RNF149: variants seen among roughly 807,000 people sequenced by gnomAD.
The protein encoded by RNF149 is ring finger protein 149, also known as E3 ubiquitin-protein ligase RNF149.
A neutral mutation model predicts 39.0 loss-of-function variants in RNF149; 21 were observed. That is an observed-to-expected ratio of 0.54 (90% CI 0.38 to 0.77). The LOEUF is 0.77. RNF149 is among the 30% of genes least tolerant of loss of function. RNF149 has a pLI of 0.00. For synonymous variants in RNF149, 209 were observed against 213.6 expected (o/e 0.98, Z 0.19); for missense variants, 493 against 534.9 (o/e 0.92, Z 0.77).
At chr2:101,293,884 A>G (rs1340927464) in intron 3 of RNF149, 130 bp downstream of exon 3, 2 of 586,856 alleles carry the variant, frequency 3.4e-6, no homozygotes. Flanking sequence ...AGTGGCTACC[A>G]TATTAATGCA....
chr2:101,289,820 G>C (rs1014084730), intron 3 of RNF149, among the ~76,000 whole-genome samples: 2 of 151,976 alleles, frequency 1.3e-5, no homozygotes, highest in African/African-American at 2.4e-5. Context: ...GGGATTACCA[G>C]CATGAGCCAC....
chr2:101,277,287 A>G lies in RNF149; in HGVS notation c.1160-6T>C. ...AGAGTCACTCCTGCCGGCTTCTGCAAGAGAGCAACATAAGCTACTCCATCA... is the reference window on the plus strand; with the variant it reads ...AGAGTCACTCCTGCCGGCTTCTGCAGGAGAGCAACATAAGCTACTCCATCA... On this transcript the variant is annotated splice_region_variant and splice_polypyrimidine_tract_variant and intron_variant, in intron 6 of 6. Transcript: ENST00000295317. 2 of 1,612,446 alleles carry G rather than the reference A, an allele frequency of 1.2e-6. No individual in the cohort carries two copies. Among genetic ancestry groups the G allele is most frequent in the Non-Finnish European group, 1.7e-6 (2 of 1,179,148 alleles).
rs1407681546 is a variant in RNF149 at position 101,277,265 on chromosome 2, G to A, written c.1176C>T (p.Asp392=). The change falls in exon 7 of 7, where the codon GAC becomes GAT. Residue 392 remains aspartate (D), a synonymous_variant. Transcript: ENST00000295317. ...NTALLEAGRS[D]SRHGGPIS Reference sequence around the variant, plus strand: ...AGGAGATGGGTCCTCCATGCCGAGAGTCACTCCTGCCGGCTTCTGCAAGAG... The same window carrying A: ...AGGAGATGGGTCCTCCATGCCGAGAATCACTCCTGCCGGCTTCTGCAAGAG... 4 of 1,613,348 alleles carry A rather than the reference G, an allele frequency of 2.5e-6. No individual in the cohort carries two copies.
At chr2:101,307,995 A>C in intron 1 of RNF149, 134 bp downstream of exon 1, 1 of 1,444,802 alleles carries the variant, frequency 6.9e-7, no homozygotes. Context: ...GGCTTCCCTG[A>C]AAGTTCCAAC....
At chr2:101,300,589 G>C (rs1683415083) in intron 1 of RNF149, among the ~76,000 whole-genome samples, 1 of 152,144 alleles carries the variant, frequency 6.6e-6, no homozygotes, top group South Asian at 2.1e-4. Context: ...AAAGCAGGTG[G>C]ATCGCTTGAC....
At chr2:101,272,914 G>A (rs1682182356), downstream of RNF149, 1 of 1,339,564 alleles carries the variant, frequency 7.5e-7, no homozygotes, top group Non-Finnish European at 9.9e-7. Flanking sequence ...AGCTCCCATG[G>A]CATGAAGCTT....
intron 5 of RNF149, among the ~76,000 whole-genome samples, chr2:101,283,516 T>C (rs555832613): frequency 2.0e-5 from 3 of 152,278 alleles, no homozygotes; most frequent in African/African-American, 7.2e-5. Context: ...GAAAACTAGT[T>C]ACTATAAGAG....
At chr2:101,302,196 T>C (rs577077447) in intron 1 of RNF149, among the ~76,000 whole-genome samples, 3 of 152,352 alleles carry the variant, frequency 2.0e-5, no homozygotes, top group Admixed American at 1.3e-4. Flanking sequence ...CCTGTTCTTA[T>C]TTGTTTTTGT....
At chr2:101,289,076 T>C (rs1319607963) in intron 3 of RNF149, 21 bp from the exon 4 acceptor site, 1 of 1,393,440 alleles carries the variant, frequency 7.2e-7, no homozygotes, top group Non-Finnish European at 1.0e-6. Flanking sequence ...AAAAGGAAAG[T>C]GTTACTACAT....
In RNF149 at chr2:101,286,300, T is replaced by C. The variant is rs1202402279; in HGVS notation, c.864-123A>G. The C allele has an allele frequency of 1.0e-5, 6 of 581,402 alleles. No homozygotes were observed. The East Asian group carries it at 1.5e-4, about 14-fold the overall frequency. 36.0% of individuals were successfully genotyped at this position (581,402 alleles called of 1,614,324 possible). A position where few individuals can be genotyped will look rare whatever the true frequency, so the allele number is the denominator to read the frequency against. ...GTTAGCTGATGTCAAATAAACATTC[T>C]AGTCTACTTACTTATCATGTCATTA... On this transcript the variant is annotated intron_variant, in intron 4 of 6. Coordinates refer to ENST00000295317, the MANE Select transcript of RNF149 (RefSeq NM_173647.4).
chr2:101,288,332 G>C (rs1261127674), intron 4 of RNF149, among the ~76,000 whole-genome samples: 1 of 149,720 alleles, frequency 6.7e-6, no homozygotes, highest in Non-Finnish European at 1.5e-5. Flanking sequence ...GTGCCTCCCG[G>C]GTTCAAGTAA....
At chr2:101,292,710 G>A (rs1683064113) in intron 3 of RNF149, among the ~76,000 whole-genome samples, 1 of 152,144 alleles carries the variant, frequency 6.6e-6, no homozygotes, top group Non-Finnish European at 1.5e-5. Flanking sequence ...AGCTTGCAGT[G>A]AGCCGAGATT....
intron 4 of RNF149, 102 bp from the exon 5 acceptor site, chr2:101,286,279 G>C: frequency 3.1e-6 from 2 of 640,644 alleles, no homozygotes; most frequent in Non-Finnish European, 5.5e-6. Flanking sequence ...TTACAAGTTA[G>C]CTGATGTCAA....
chr2:101,305,898 A>G (rs12993457), intron 1 of RNF149, among the ~76,000 whole-genome samples: 58,475 of 152,094 alleles, frequency 0.38, 11,989 homozygotes, highest in East Asian at 0.54. Flanking sequence ...GAGTCACTCT[A>G]TGCAGAACAC....
intron 6 of RNF149, among the ~76,000 whole-genome samples, chr2:101,278,434 T>C (rs1169205364): frequency 1.3e-5 from 2 of 152,216 alleles, no homozygotes; most frequent in Non-Finnish European, 2.9e-5. Context: ...TGAGCCACCA[T>C]GTCCAGCCTG....
intron 1 of RNF149, among the ~76,000 whole-genome samples, chr2:101,300,912 C>T (rs956794213): frequency 6.6e-6 from 1 of 152,184 alleles, no homozygotes; most frequent in Non-Finnish European, 1.5e-5. Context: ...GCGGGCCCTA[C>T]TCTTGCCTCC....
downstream of RNF149, among the ~76,000 whole-genome samples, chr2:101,275,212 G>C (rs1193530695): frequency 8.0e-5 from 11 of 137,064 alleles, no homozygotes; most frequent in Admixed American, 9.1e-4. Flanking sequence ...CTGCCTCCCA[G>C]GTTCAAGCGA....
At chr2:101,287,162 A>G (rs778951325) in intron 4 of RNF149, among the ~76,000 whole-genome samples, 24 of 152,052 alleles carry the variant, frequency 1.6e-4, no homozygotes, top group Non-Finnish European at 3.4e-4. Flanking sequence ...TCTACACTAA[A>G]AATACAAAAA....
intron 1 of RNF149, among the ~76,000 whole-genome samples, chr2:101,304,684 C>T (rs1273599384): frequency 6.6e-6 from 1 of 151,810 alleles, no homozygotes; most frequent in African/African-American, 2.4e-5. Flanking sequence ...GTTGTTCAGA[C>T]AAAAAAATTC....
Sources: gnomAD v4.1 joint callset for allele counts (sites outside exome capture counted in the v4.1 genomes callset) on GRCh38, gnomAD v4.1.1 for gene constraint, MANE v1.5 for transcripts, NCBI Gene and HGNC (gene_info 2026-07-23, HGNC 2026-07-21) for gene names.